AMMECR1L: variants seen among roughly 807,000 people sequenced by gnomAD.
AMMECR1L encodes AMMECR1 like.
In AMMECR1L, 4 loss-of-function variants were observed where a neutral mutation model predicts 36.8. The ratio of observed to expected loss-of-function variants is 0.11; its 90% CI spans 0.05 to 0.25. The LOEUF (loss-of-function observed/expected upper bound fraction) is 0.25, where lower values mean the gene tolerates loss of function less well. Ranked by LOEUF, AMMECR1L falls within the 10% of genes least tolerant of loss-of-function variation. The pLI, the probability that AMMECR1L is intolerant of heterozygous loss-of-function variation, is 1.00. For synonymous variants in AMMECR1L, 147 were observed against 148.0 expected (o/e 0.99, Z 0.05); for missense variants, 232 against 392.1 (o/e 0.59, Z 3.45).
At chr2:127,885,695 C>T in intron 1 of AMMECR1L, 115 bp downstream of exon 1, 1 of 982,440 alleles carries the variant, frequency 1.0e-6, no homozygotes, top group South Asian at 4.7e-5. Context: ...GGGTCTCTTC[C>T]CGGCCCCGCC....
rs1254549315 is a variant in AMMECR1L, at chr2:127,874,474, T to C, written c.-38-202A>G. Among the ~76,000 whole-genome samples the C allele has an allele frequency of 3.3e-5, 5 of 152,158 alleles. No individual in the cohort carries two copies. The highest frequency in any genetic ancestry group is 2.1e-4 in the South Asian group (1 of 4,832). On this transcript the variant is annotated intron_variant, in intron 2 of 7. Coordinates refer to ENST00000272647, the MANE Select transcript of AMMECR1L (RefSeq NM_001199140.2). This position sits in a 1 kb window ranked among gnomAD's most constrained non-coding sequence, Gnocchi z 5.2. Reference sequence around the variant, plus strand: ...TTTTATTTTCCATAAAATTTCCAGATGACTACCATGGATGGAGGCAGGCAC... The same window carrying C: ...TTTTATTTTCCATAAAATTTCCAGACGACTACCATGGATGGAGGCAGGCAC...
Position 127,864,911 on chromosome 2 carries a change from T to C in AMMECR1L, c.*183A>G. 1.2e-5 allele frequency: 6 copies of C among 502,574 alleles called. 1 individual carries two copies. The highest frequency in any genetic ancestry group is 3.7e-5 in the Admixed American group (1 of 26,896). The allele number at this position is 502,574 out of a possible 1,614,324, so 31.1% of individuals were successfully genotyped here. On this transcript the variant is annotated 3_prime_UTR_variant, in exon 8 of 8. Transcript: ENST00000272647. ...GATAAGGCTTGGGCCCCTCAAGTTC[T>C]GTTTCGTTCAAGGTAACCCTACCCT...
intron 2 of AMMECR1L, among the ~76,000 whole-genome samples, chr2:127,881,858 T>C (rs890835808): frequency 3.9e-5 from 6 of 152,244 alleles, no homozygotes; most frequent in African/African-American, 7.2e-5. Context: ...ATGACCTTGA[T>C]GGTTTCCTTC....
rs769902657 is a variant in AMMECR1L, at chr2:127,871,504, C to G, written c.408-145G>C. The G allele has an allele frequency of 4.7e-5, 37 of 784,556 alleles. No individual in the cohort carries two copies. Among genetic ancestry groups the G allele is most frequent in the Admixed American group, 2.5e-5 (1 of 40,120 alleles). 48.6% of individuals were successfully genotyped at this position (784,556 alleles called of 1,614,324 possible). A position where few individuals can be genotyped will look rare whatever the true frequency, so the allele number is the denominator to read the frequency against. ...TGCCAGCTACCCGAAGGACTCTCTGCCTTTCTGAAAACGGCACAGCCCCTG... is the reference window on the plus strand; with the variant it reads ...TGCCAGCTACCCGAAGGACTCTCTGGCTTTCTGAAAACGGCACAGCCCCTG... On this transcript the variant is annotated intron_variant, in intron 3 of 7. Coordinates refer to ENST00000272647, the MANE Select transcript of AMMECR1L (RefSeq NM_001199140.2). The surrounding 1 kb of genome is among the most constrained non-coding windows in gnomAD (Gnocchi z 4.3).
chr2:127,876,327 G>A (rs536466035), intron 2 of AMMECR1L, among the ~76,000 whole-genome samples: 8 of 148,296 alleles, frequency 5.4e-5, no homozygotes, highest in African/African-American at 2.0e-4. Flanking sequence ...TCCAGCCTGG[G>A]CAACAGAGCA....
intron 2 of AMMECR1L, among the ~76,000 whole-genome samples, chr2:127,880,773 TAC>T (rs56950354): frequency 0.017 from 2,494 of 148,836 alleles, 52 homozygotes; most frequent in African/African-American, 0.053. Context: ...ACATACAGTA[TAC>T]ACACACACAC....
Position 127,869,363 on chromosome 2 carries a change from G to C in AMMECR1L, c.724+91C>G. The C allele has an allele frequency of 8.2e-7, 1 of 1,224,432 alleles. No homozygotes were observed. The highest frequency in any genetic ancestry group is 2.4e-5 in the East Asian group (1 of 42,374). The allele number at this position is 1,224,432 out of a possible 1,614,324, so 75.8% of individuals were successfully genotyped here. ...AGGCCCTCATTCTCAGCTGCAGTTG[G>C]GCTGCAAGATGACACACTTCACTTT... On this transcript the variant is annotated intron_variant, in intron 6 of 7. Transcript: ENST00000272647. This position sits in a 1 kb window ranked among gnomAD's most constrained non-coding sequence, Gnocchi z 4.7.
intron 6 of AMMECR1L, among the ~76,000 whole-genome samples, chr2:127,868,891 A>G (rs1337349581): frequency 6.6e-6 from 1 of 151,810 alleles, no homozygotes; most frequent in Non-Finnish European, 1.5e-5. Flanking sequence ...TGCCCAGCTA[A>G]TTTTTATATT....
In AMMECR1L at chr2:127,871,645, CTT is replaced by C. The variant is rs1690971163; in HGVS notation, c.408-288_408-287del. ...CGCCAAATTTACATGCTACTTTCCT[CTT>C]TCTCTGCCCAAGACTCAACTTTTCC... On this transcript the variant is annotated intron_variant, in intron 3 of 7. Coordinates refer to ENST00000272647, the MANE Select transcript of AMMECR1L (RefSeq NM_001199140.2). The surrounding 1 kb of genome is among the most constrained non-coding windows in gnomAD (Gnocchi z 4.3). Among the ~76,000 whole-genome samples the C allele has an allele frequency of 6.6e-6, 1 of 152,184 alleles. No homozygotes were observed. Among genetic ancestry groups the C allele is most frequent in the Non-Finnish European group, 1.5e-5 (1 of 68,030 alleles).
At chr2:127,878,565 A>G (rs994987577) in intron 2 of AMMECR1L, among the ~76,000 whole-genome samples, 1 of 152,174 alleles carries the variant, frequency 6.6e-6, no homozygotes, top group Non-Finnish European at 1.5e-5. Flanking sequence ...CTGGTGAAAC[A>G]CTCCATCACA....
At chr2:127,868,946 A>G (rs929987757) in intron 6 of AMMECR1L, among the ~76,000 whole-genome samples, 20 of 152,122 alleles carry the variant, frequency 1.3e-4, no homozygotes, top group Non-Finnish European at 4.4e-5. Context: ...GATGGTCTCA[A>G]TCTCTTGACC....
rs1412044181 is a variant in AMMECR1L at position 127,864,292 on chromosome 2, C to T, written c.*802G>A. The T allele has an allele frequency of 2.6e-5, 4 of 152,694 alleles. No homozygotes were observed. The highest frequency in any genetic ancestry group is 7.2e-5 in the African/African-American group (3 of 41,458). 9.5% of individuals were successfully genotyped at this position (152,694 alleles called of 1,614,324 possible). A position where few individuals can be genotyped will look rare whatever the true frequency, so the allele number is the denominator to read the frequency against. On this transcript the variant is annotated 3_prime_UTR_variant, in exon 8 of 8. Coordinates refer to ENST00000272647, the MANE Select transcript of AMMECR1L (RefSeq NM_001199140.2). ...GAAGAGGTCTCTCCTCTCACACCTG[C>T]GTGCAGTGATGACATCAGGACCTCC...
chr2:127,868,296 A>C (rs1213052398), intron 6 of AMMECR1L, among the ~76,000 whole-genome samples: 3 of 152,120 alleles, frequency 2.0e-5, no homozygotes, highest in Non-Finnish European at 4.4e-5. Context: ...TAATTTAATT[A>C]TTTACTTAAG....
chr2:127,877,710 C>G (rs930114207), intron 2 of AMMECR1L, among the ~76,000 whole-genome samples: 3 of 152,028 alleles, frequency 2.0e-5, no homozygotes, highest in Non-Finnish European at 4.4e-5. Context: ...TGAGTTCTGC[C>G]AATAATATCC....
rs1031611283 is a variant in AMMECR1L, at chr2:127,870,900, G to C, written c.547C>G (p.Leu183Val). ...AGTTTAGGCAGCTCCTCTCGGGTCA[G>C]GGGGGGAAATCGGCTGTCCTTAAGT... ...SALKDSRFPPLTREELPKLFC... is the reference protein window; with the variant it reads ...SALKDSRFPPVTREELPKLFC... The change falls in exon 5 of 8, where the codon CTG becomes GTG. Residue 183 changes from leucine (L) to valine (V), a missense_variant. Physicochemically the swap from Leu to Val is conservative, Grantham distance 32. This residue lies in a region of AMMECR1L where 83 missense variants were observed against 229.5 expected (regional missense o/e 0.36). Coordinates refer to ENST00000272647, the MANE Select transcript of AMMECR1L (RefSeq NM_001199140.2). The C allele has an allele frequency of 6.2e-7, 1 of 1,610,410 alleles. No homozygotes were observed. Among genetic ancestry groups the C allele is most frequent in the Non-Finnish European group, 8.5e-7 (1 of 1,178,048 alleles).
Position 127,870,938 on chromosome 2 carries a change from G to A in AMMECR1L, c.519-10C>T, listed in dbSNP as rs1424768563. 2 of 1,602,566 alleles carry A rather than the reference G, an allele frequency of 1.2e-6. No homozygotes were observed. The highest frequency in any genetic ancestry group is 1.7e-5 in the Admixed American group (1 of 58,734). ...GCTGTCCTTAAGTGCACTGGAGGGG[G>A]ACAGAAAACATAGGTAAGGCTGCTC... On this transcript the variant is annotated splice_polypyrimidine_tract_variant and intron_variant, in intron 4 of 7. Transcript: ENST00000272647.
At position 127,865,165 on chromosome 2, in the gene AMMECR1L, T is replaced by C; in HGVS notation, c.862A>G (p.Ile288Val). The C allele has an allele frequency of 1.2e-6, 2 of 1,613,746 alleles. No individual in the cohort carries two copies. Among genetic ancestry groups the C allele is most frequent in the Non-Finnish European group, 8.5e-7 (1 of 1,179,874 alleles). ...EKVTISYAEY[I>V]ASRQHCFQNG... ...TGGAAACAGTGCTGTCGGGAAGCAA[T>C]ATACTCTGCGTAACTGATTGTCACC... The change falls in exon 8 of 8, where the codon ATT (isoleucine) becomes GTT (valine). Residue 288 changes from isoleucine (I) to valine (V), a missense_variant. By Grantham distance (29) the Ile-to-Val change is conservative (BLOSUM62 3). Around this residue, in one of 3 missense-constraint regions of AMMECR1L, gnomAD observed 40 missense variants for 34.5 expected, o/e 1.16. Coordinates refer to ENST00000272647, the MANE Select transcript of AMMECR1L (RefSeq NM_001199140.2). This position sits in a 1 kb window ranked among gnomAD's most constrained non-coding sequence, Gnocchi z 5.4.
rs1690949556 is a variant in AMMECR1L at position 127,871,182 on chromosome 2, T to G, written c.518+67A>C. 6.5e-7 allele frequency: 1 copy of G among 1,529,992 alleles called. No individual in the cohort carries two copies. The highest frequency in any genetic ancestry group is 2.3e-5 in the East Asian group (1 of 44,226). 94.8% of individuals were successfully genotyped at this position (1,529,992 alleles called of 1,614,324 possible). A position where few individuals can be genotyped will look rare whatever the true frequency, so the allele number is the denominator to read the frequency against. ...CTCAACGTACATCACTTAGAAGAAA[T>G]AAAGTCAGGCAGCTATTTCTGATTC... On this transcript the variant is annotated intron_variant, in intron 4 of 7. Transcript: ENST00000272647. This position sits in a 1 kb window ranked among gnomAD's most constrained non-coding sequence, Gnocchi z 4.3.
At position 127,874,325 on chromosome 2, in the gene AMMECR1L, G is replaced by A. The variant is rs1691127553; in HGVS notation, c.-38-53C>T. 8.7e-6 allele frequency: 13 copies of A among 1,489,700 alleles called. No individual in the cohort carries two copies. The highest frequency in any genetic ancestry group is 7.2e-5 in the Admixed American group (3 of 41,626). 92.3% of individuals were successfully genotyped at this position (1,489,700 alleles called of 1,614,324 possible). A position where few individuals can be genotyped will look rare whatever the true frequency, so the allele number is the denominator to read the frequency against. ...ATTTGACTGGTTAGTTAAAAGGAGA[G>A]GAAAAAACATCAAAGATAGAGAGTC... On this transcript the variant is annotated intron_variant, in intron 2 of 7. Coordinates refer to ENST00000272647, the MANE Select transcript of AMMECR1L (RefSeq NM_001199140.2). The surrounding 1 kb of genome is among the most constrained non-coding windows in gnomAD (Gnocchi z 5.2).
Sources: allele counts gnomAD v4.1 joint callset (sites outside exome capture counted in the v4.1 genomes callset), GRCh38; gene constraint gnomAD v4.1.1; regional missense constraint gnomAD v4.1.1; non-coding constraint Gnocchi (gnomAD v3.1); transcripts MANE v1.5; gene names NCBI Gene and HGNC (gene_info 2026-07-23, HGNC 2026-07-21).